The following UMODL1 variants were observed in gnomAD, a reference collection of about 807,000 sequenced individuals.
UMODL1 encodes the protein uromodulin-like 1.
In UMODL1, 128 loss-of-function variants were observed where a neutral mutation model predicts 136.3. The ratio of observed to expected loss-of-function variants is 0.94; its 90% CI spans 0.81 to 1.09. UMODL1 has a LOEUF of 1.09. UMODL1 is among the 50% of genes least tolerant of loss of function. The probability of loss-of-function intolerance (pLI) is 0.00; values close to 1 mark genes in which losing one functional copy is unlikely to be tolerated. For synonymous variants in UMODL1, 721 were observed against 720.0 expected (o/e 1.00, Z -0.02); for missense variants, 1,766 against 1,725.6 (o/e 1.02, Z -0.41).
chr21:42,114,427 T>A (rs1307332282), intron 13 of UMODL1, among the ~76,000 whole-genome samples: 1 of 152,260 alleles, frequency 6.6e-6, no homozygotes, highest in African/African-American at 2.4e-5. Context: ...GTACCTTACC[T>A]GGGTAGTCAA....
intron 13 of UMODL1, 145 bp downstream of exon 13, chr21:42,113,975 C>T: frequency 5.8e-6 from 7 of 1,210,558 alleles, no homozygotes; most frequent in Non-Finnish European, 7.9e-6. Flanking sequence ...CGGCTGGCTT[C>T]AGCAGGCGTG....
At chr21:42,126,597 G>T in intron 18 of UMODL1, 107 bp downstream of exon 18, 2 of 1,502,264 alleles carry the variant, frequency 1.3e-6, no homozygotes, top group South Asian at 2.5e-5. Context: ...CCTTGAGATG[G>T]AATATACAAA....
intron 2 of UMODL1, among the ~76,000 whole-genome samples, chr21:42,079,994 G>A (rs2066342271): frequency 6.6e-6 from 1 of 152,204 alleles, no homozygotes; most frequent in South Asian, 2.1e-4. Context: ...CACAGCCCAC[G>A]AGGCTTCTGC....
At position 42,113,750 on chromosome 21, in the gene UMODL1, C is replaced by T. The variant is rs2066868383; in HGVS notation, c.2282C>T (p.Pro761Leu). The T allele has an allele frequency of 6.2e-7, 1 of 1,614,110 alleles. No homozygotes were observed. Among genetic ancestry groups the T allele is most frequent in the African/African-American group, 1.3e-5 (1 of 75,044 alleles). ...AGTGTGACACTGTCGGGGCTGGAGC[C>T]TGGGGTCTTGCACCTGGTTGAGATC... Reference protein sequence around the residue: ...NTSVTLSGLEPGVLHLVEIMA... With the variant: ...NTSVTLSGLELGVLHLVEIMA... The change falls in exon 13 of 23, where the codon CCT becomes CTT. Residue 761 changes from proline (P) to leucine (L), a missense_variant. Physicochemically the swap from Pro to Leu is moderately conservative, Grantham distance 98. Coordinates refer to ENST00000408910, the MANE Select transcript of UMODL1 (RefSeq NM_001004416.3).
At chr21:42,098,206 C>T (rs562104766) in intron 6 of UMODL1, among the ~76,000 whole-genome samples, 44 of 152,256 alleles carry the variant, frequency 2.9e-4, no homozygotes, top group Admixed American at 1.3e-3. Flanking sequence ...TAGTAACCAC[C>T]GATTCCGGAT....
chr21:42,118,922 C>T (rs2066933103), intron 14 of UMODL1, among the ~76,000 whole-genome samples, 189 bp from the exon 15 acceptor site: 1 of 152,230 alleles, frequency 6.6e-6, no homozygotes, highest in African/African-American at 2.4e-5. Context: ...ATCACAGACA[C>T]TCCCAGGCGT....
intron 22 of UMODL1, among the ~76,000 whole-genome samples, chr21:42,141,244 A>G (rs2067277238): frequency 6.6e-6 from 1 of 152,208 alleles, no homozygotes; most frequent in East Asian, 1.9e-4. Context: ...CTTGCTGGGC[A>G]ACTTCAGAGA....
At chr21:42,088,669 G>A (rs1172057230) in intron 5 of UMODL1, among the ~76,000 whole-genome samples, 189 bp downstream of exon 5, 1 of 152,122 alleles carries the variant, frequency 6.6e-6, no homozygotes, top group East Asian at 1.9e-4. Context: ...AGCTCACCCT[G>A]TAAATTCCAA....
At chr21:42,119,595 G>A (rs1352342831) in intron 15 of UMODL1, among the ~76,000 whole-genome samples, 1 of 152,066 alleles carries the variant, frequency 6.6e-6, no homozygotes, top group African/African-American at 2.4e-5. Context: ...CTGCCCCCTC[G>A]CTGCTTGTTT....
At chr21:42,139,838 C>T (rs971497770) in intron 22 of UMODL1, among the ~76,000 whole-genome samples, 1 of 152,202 alleles carries the variant, frequency 6.6e-6, no homozygotes, top group African/African-American at 2.4e-5. Flanking sequence ...GAATACTGCG[C>T]ATGTTAGTTA....
At position 42,094,148 on chromosome 21, in the gene UMODL1, T is replaced by G. The variant is rs1015961978; in HGVS notation, c.931+3710T>G. 6.6e-4 allele frequency: 239 copies of G among 360,866 alleles called. 7 individuals are homozygous for G. Among genetic ancestry groups the G allele is most frequent in the South Asian group, 4.4e-3 (213 of 48,304 alleles). 22.4% of individuals were successfully genotyped at this position (360,866 alleles called of 1,614,324 possible). ...TGCTTGGCACAGTGAACTGCCAGAT[T>G]GCGTCAGGATACAGGGCCGCTCGAG... On this transcript the variant is annotated intron_variant, in intron 6 of 22. Coordinates refer to ENST00000408910, the MANE Select transcript of UMODL1 (RefSeq NM_001004416.3).
rs1177236338 is a variant in UMODL1, at chr21:42,138,985, TAGAA to T, written c.*21+1348_*21+1351del. 2.0e-5 allele frequency among the ~76,000 whole-genome samples: 3 copies of T among 152,256 alleles called. No individual in the cohort carries two copies. In the East Asian group the frequency reaches 5.8e-4, roughly 29 times the overall value. ...GAGTTCCAGACCAGCCTGGGCAAGA[TAGAA>T]AGACTCCATCTCTACAAAAAATACA... is the stretch of plus-strand genomic sequence containing the variant. On this transcript the variant is annotated intron_variant, in intron 22 of 22. Transcript: ENST00000408910.
rs149469461 is a variant in UMODL1, at chr21:42,110,624, G to A, written c.1658-256G>A. ...TCAAGCCCGGGTTTTGTAGCCCCCC[G>A]GGTGGATCCCTCACCCTCAACTTCA... is the stretch of plus-strand genomic sequence containing the variant. On this transcript the variant is annotated intron_variant, in intron 10 of 22. Coordinates refer to ENST00000408910, the MANE Select transcript of UMODL1 (RefSeq NM_001004416.3). 2.7e-3 allele frequency among the ~76,000 whole-genome samples: 405 copies of A among 152,272 alleles called. 1 individual carries two copies. The highest frequency in any genetic ancestry group is 9.1e-3 in the African/African-American group (379 of 41,548).
Position 42,127,042 on chromosome 21 carries a change from G to T in UMODL1, c.3330G>T (p.Gly1110=). 1 of 1,614,190 alleles carries T rather than the reference G, an allele frequency of 6.2e-7. No individual in the cohort carries two copies. Among genetic ancestry groups the T allele is most frequent in the African/African-American group, 1.3e-5 (1 of 75,042 alleles). The part of the protein sequence containing the change: ...YTIIEDLHGA[G]NFVTEMQLFI... The stretch of plus-strand genomic sequence containing the variant: ...TCATCGAGGACCTCCACGGCGCTGG[G>T]AATTTTGTTACCGAAATGCAGTTGT... The change falls in exon 19 of 23, where the codon GGG becomes GGT. Residue 1110 remains glycine, a synonymous_variant. Coordinates refer to ENST00000408910, the MANE Select transcript of UMODL1 (RefSeq NM_001004416.3).
chr21:42,129,572 G>C, intron 20 of UMODL1, 141 bp from the exon 21 acceptor site: 1 of 696,672 alleles, frequency 1.4e-6, no homozygotes, highest in Non-Finnish European at 2.2e-6. Context: ...CCACTCCTCT[G>C]TCTAAACTCA....
chr21:42,127,917 G>A, intron 20 of UMODL1, 86 bp downstream of exon 20: 1 of 1,565,576 alleles, frequency 6.4e-7, no homozygotes, highest in Non-Finnish European at 8.7e-7. Flanking sequence ...AAAAACCTAG[G>A]GCTCGAGTGG....
rs1221983208 is a variant in UMODL1, at chr21:42,099,391, C to T, written c.1186+211C>T. On this transcript the variant is annotated intron_variant, in intron 7 of 22. Transcript: ENST00000408910. This position sits in a 1 kb window ranked among gnomAD's most constrained non-coding sequence, Gnocchi z 4.1. Reference sequence around the variant, plus strand: ...TGCCTTCACTGGCTCCCTCGCTTCCCTACATGTCGTCCTGTTAGGGGTTCG... The same window carrying T: ...TGCCTTCACTGGCTCCCTCGCTTCCTTACATGTCGTCCTGTTAGGGGTTCG... Among the ~76,000 whole-genome samples the T allele has an allele frequency of 6.6e-6, 1 of 152,198 alleles. No homozygotes were observed. The highest frequency in any genetic ancestry group is 1.5e-5 in the Non-Finnish European group (1 of 68,034).
chr21:42,115,640 T>G (rs907617268), intron 13 of UMODL1, among the ~76,000 whole-genome samples: 1 of 152,200 alleles, frequency 6.6e-6, no homozygotes, highest in Admixed American at 6.5e-5. Context: ...AGGGGCGAGC[T>G]GGCTCTGTGG....
intron 2 of UMODL1, among the ~76,000 whole-genome samples, chr21:42,083,445 G>A (rs1244987802): frequency 6.6e-6 from 1 of 152,090 alleles, no homozygotes; most frequent in Non-Finnish European, 1.5e-5. Context: ...CACCTAGGTC[G>A]GCCCCCACCA....
Sources: gnomAD v4.1 joint callset for allele counts (sites outside exome capture counted in the v4.1 genomes callset) on GRCh38, gnomAD v4.1.1 for gene constraint, Gnocchi (gnomAD v3.1) non-coding constraint, MANE v1.5 for transcripts, NCBI Gene and HGNC (gene_info 2026-07-23, HGNC 2026-07-21) for gene names.